EBF1: variants seen among roughly 807,000 people sequenced by gnomAD.
The protein encoded by EBF1 is transcription factor COE1.
Under a neutral mutation model 68.4 loss-of-function variants are expected in EBF1, and 10 were observed. The observed-to-expected ratio is 0.15, with a 90% CI of 0.09 to 0.25. The LOEUF is 0.25. EBF1 is among the 10% of genes least tolerant of loss of function. The pLI, the probability that EBF1 is intolerant of heterozygous loss-of-function variation, is 1.00. For synonymous variants in EBF1, 298 were observed against 299.8 expected (o/e 0.99, Z 0.06); for missense variants, 509 against 794.4 (o/e 0.64, Z 4.32).
chr5:158,903,231 A>G (rs998024245), intron 6 of EBF1, among the ~76,000 whole-genome samples: 2 of 152,238 alleles, frequency 1.3e-5, no homozygotes, highest in African/African-American at 4.8e-5. Context: ...TCATTTATAA[A>G]TAAGAAGATT....
In EBF1 at chr5:158,966,893, A is replaced by G. The variant is rs118145681; in HGVS notation, c.554+106503T>C. On this transcript the variant is annotated intron_variant, in intron 6 of 15. Coordinates refer to ENST00000313708, the MANE Select transcript of EBF1 (RefSeq NM_024007.5). Reference sequence around the variant, plus strand: ...AGGGTTAGCTGCCAAGAAATCTCCAAAGAGAACATAGGCTTACTTAAGCAG... The same window carrying G: ...AGGGTTAGCTGCCAAGAAATCTCCAGAGAGAACATAGGCTTACTTAAGCAG... 9.5e-4 allele frequency among the ~76,000 whole-genome samples: 144 copies of G among 152,362 alleles called. 1 individual carries two copies. The East Asian group carries it at 0.026, about 27-fold the overall frequency.
chr5:158,743,783 A>G (rs1766956290), intron 10 of EBF1, among the ~76,000 whole-genome samples: 2 of 152,138 alleles, frequency 1.3e-5, no homozygotes, highest in African/African-American at 4.8e-5. Context: ...TATATACAGG[A>G]GGAAAAAAAA....
rs79651210 is a variant in EBF1, at chr5:158,733,643, C to T, written c.1037-2486G>A. Among the ~76,000 whole-genome samples, 374 of 152,260 alleles carry T rather than the reference C, an allele frequency of 2.5e-3. 1 individual carries two copies. The highest frequency in any genetic ancestry group is 8.4e-3 in the African/African-American group (351 of 41,550). On this transcript the variant is annotated intron_variant, in intron 10 of 15. Transcript: ENST00000313708. ...GAAAAATAAGGATTTACTCCATGGA[C>T]GTGTACTATGAGAGAGGAAATATTT... is the stretch of plus-strand genomic sequence containing the variant.
At chr5:158,858,760 G>A (rs1366076227) in intron 6 of EBF1, among the ~76,000 whole-genome samples, 1 of 152,154 alleles carries the variant, frequency 6.6e-6, no homozygotes, top group African/African-American at 2.4e-5. Context: ...TTCACATCAA[G>A]GCAGCCTGCT....
chr5:159,046,461 C>T (rs1474226272), intron 6 of EBF1, among the ~76,000 whole-genome samples: 2 of 152,152 alleles, frequency 1.3e-5, no homozygotes, highest in African/African-American at 4.8e-5. Flanking sequence ...TGTGTAAGAG[C>T]CATGGGCCTA....
intron 14 of EBF1, 148 bp downstream of exon 14, chr5:158,712,006 C>G: frequency 1.1e-6 from 1 of 914,716 alleles, no homozygotes; most frequent in South Asian, 1.7e-5. Flanking sequence ...ACGATGGTGC[C>G]TTTAGCACCA....
intron 6 of EBF1, among the ~76,000 whole-genome samples, chr5:158,901,642 C>G (rs940645316): frequency 2.0e-5 from 3 of 152,150 alleles, no homozygotes; most frequent in African/African-American, 7.2e-5. Context: ...TAAGAGCTTA[C>G]CAAGAAATAT....
Position 158,735,686 on chromosome 5 carries a change from G to GA in EBF1, c.1037-4530dup, listed in dbSNP as rs1212487618. Among the ~76,000 whole-genome samples the GA allele has an allele frequency of 1.9e-4, 29 of 151,718 alleles. No homozygotes were observed. The South Asian group carries it at 5.0e-3, about 26-fold the overall frequency. ...GAACTGTATCAACATTACTACTTTTGAAAAAAAAGTTAATGAAATGGTTAA... is the reference window on the plus strand; with the variant it reads ...GAACTGTATCAACATTACTACTTTTGAAAAAAAAAGTTAATGAAATGGTTAA... On this transcript the variant is annotated intron_variant, in intron 10 of 15. Transcript: ENST00000313708.
chr5:158,864,732 A>G (rs1417283116), intron 6 of EBF1, among the ~76,000 whole-genome samples: 1 of 152,184 alleles, frequency 6.6e-6, no homozygotes, highest in Non-Finnish European at 1.5e-5. Context: ...CTTGGAAATT[A>G]TGATATATTG....
Position 158,779,622 on chromosome 5 carries a change from C to T in EBF1, c.910-2083G>A, listed in dbSNP as rs566348038. 2.6e-5 allele frequency among the ~76,000 whole-genome samples: 4 copies of T among 152,262 alleles called. No individual in the cohort carries two copies. The South Asian group carries it at 8.3e-4, about 32-fold the overall frequency. ...AGAGTACCATTAACTCACAATAATA[C>T]TGATAAGAACTTTCAGCCAGTTAGA... On this transcript the variant is annotated intron_variant, in intron 9 of 15. Transcript: ENST00000313708.
At chr5:158,833,913 C>G (rs1173896436) in intron 7 of EBF1, among the ~76,000 whole-genome samples, 2 of 152,210 alleles carry the variant, frequency 1.3e-5, no homozygotes, top group African/African-American at 4.8e-5. Context: ...CACCACTTAG[C>G]ACTTCAATAA....
chr5:158,962,452 T>C (rs1044792542), intron 6 of EBF1, among the ~76,000 whole-genome samples: 9 of 152,170 alleles, frequency 5.9e-5, no homozygotes, highest in Admixed American at 5.9e-4. Context: ...AAGCTCAATA[T>C]GATCACAGTT....
At chr5:158,805,755 G>A (rs1407460638) in intron 8 of EBF1, among the ~76,000 whole-genome samples, 1 of 151,880 alleles carries the variant, frequency 6.6e-6, no homozygotes, top group Non-Finnish European at 1.5e-5. Context: ...AAAAAGATAT[G>A]GTATCCTCTT....
At chr5:158,833,715 G>A (rs1323226729) in intron 7 of EBF1, among the ~76,000 whole-genome samples, 1 of 152,154 alleles carries the variant, frequency 6.6e-6, no homozygotes, top group Non-Finnish European at 1.5e-5. Flanking sequence ...TAACCTCAAG[G>A]ACAACACCTG....
chr5:158,761,844 C>A (rs887337283), intron 10 of EBF1, among the ~76,000 whole-genome samples: 3 of 152,064 alleles, frequency 2.0e-5, no homozygotes, highest in Non-Finnish European at 4.4e-5. Flanking sequence ...TGTTTTATTA[C>A]ATTAAGGTTT....
At chr5:158,885,414 A>C (rs1244060285) in intron 6 of EBF1, among the ~76,000 whole-genome samples, 1 of 152,256 alleles carries the variant, frequency 6.6e-6, no homozygotes, top group Non-Finnish European at 1.5e-5. Flanking sequence ...TAATGCGGTC[A>C]GGAGTTAATG....
intron 6 of EBF1, among the ~76,000 whole-genome samples, chr5:158,978,057 A>C (rs1001253006): frequency 1.3e-5 from 2 of 152,238 alleles, no homozygotes; most frequent in African/African-American, 4.8e-5. Context: ...CCTAGTCTTG[A>C]CTTGACAGAT....
intron 6 of EBF1, among the ~76,000 whole-genome samples, chr5:158,932,250 A>G (rs1349543464): frequency 6.6e-6 from 1 of 152,222 alleles, no homozygotes; most frequent in Non-Finnish European, 1.5e-5. Context: ...TAAATGTCTA[A>G]CAATTGCAGA....
chr5:158,920,865 G>T (rs1344596218), intron 6 of EBF1, among the ~76,000 whole-genome samples: 2 of 152,216 alleles, frequency 1.3e-5, no homozygotes, highest in Admixed American at 6.5e-5. Flanking sequence ...TGGTGGAAGG[G>T]ATGACAGCAC....
Sources: allele counts gnomAD v4.1 joint callset (sites outside exome capture counted in the v4.1 genomes callset), GRCh38; gene constraint gnomAD v4.1.1; transcripts MANE v1.5; gene names NCBI Gene and HGNC (gene_info 2026-07-23, HGNC 2026-07-21).